FHOD3: variants seen among roughly 807,000 people sequenced by gnomAD.
FHOD3 encodes the protein formin homology 2 domain containing 3, also known as FH1/FH2 domain-containing protein 3.
Under a neutral mutation model 173.0 loss-of-function variants are expected in FHOD3, and 90 were observed. The ratio of observed to expected loss-of-function variants is 0.52; its 90% CI spans 0.44 to 0.62. The LOEUF (loss-of-function observed/expected upper bound fraction) is 0.62, where lower values mean the gene tolerates loss of function less well. Among genes scored for constraint, FHOD3 ranks in the 20% least tolerant of loss-of-function variants. The probability of loss-of-function intolerance (pLI) is 0.00; values close to 1 mark genes in which losing one functional copy is unlikely to be tolerated. For synonymous variants in FHOD3, 828 were observed against 823.0 expected, an observed-to-expected ratio of 1.01 and a Z score of -0.10; for missense variants, 1,945 against 2,034.7, an observed-to-expected ratio of 0.96 and a Z score of 0.85.
At chr18:36,451,364 A>G (rs923887339) in intron 3 of FHOD3, among the ~76,000 whole-genome samples, 1 of 152,252 alleles carries the variant, frequency 6.6e-6, no homozygotes, top group Admixed American at 6.5e-5. Flanking sequence ...TTACGAAGCC[A>G]GTACCAGTTA....
chr18:36,726,683 CT>C (rs1189391314), intron 19 of FHOD3, among the ~76,000 whole-genome samples: 2 of 150,998 alleles, frequency 1.3e-5, no homozygotes, highest in African/African-American at 2.4e-5. Context: ...TTTTTCTTTT[CT>C]TTTTTTTTGA....
At chr18:36,446,058 AC>A (rs1210081740) in intron 3 of FHOD3, among the ~76,000 whole-genome samples, 2 of 152,178 alleles carry the variant, frequency 1.3e-5, no homozygotes, top group Admixed American at 1.3e-4. Flanking sequence ...GGAGACAGGA[AC>A]TTGTTGCCAG....
intron 4 of FHOD3, among the ~76,000 whole-genome samples, chr18:36,508,509 T>C (rs2055432522): frequency 6.6e-6 from 1 of 152,128 alleles, no homozygotes; most frequent in Admixed American, 6.5e-5. Context: ...CAGAAGCAAG[T>C]TGAAGGGTCT....
chr18:36,708,726 G>C (rs1376230962), intron 17 of FHOD3, among the ~76,000 whole-genome samples: 1 of 152,166 alleles, frequency 6.6e-6, no homozygotes, highest in African/African-American at 2.4e-5. Context: ...TCAGCTTCTA[G>C]AGGCCACCTG....
At chr18:36,459,874 C>T (rs1257318139) in intron 3 of FHOD3, among the ~76,000 whole-genome samples, 1 of 152,048 alleles carries the variant, frequency 6.6e-6, no homozygotes, top group African/African-American at 2.4e-5. Context: ...TGCCCTTTTC[C>T]TCTTCCAGGA....
intron 6 of FHOD3, among the ~76,000 whole-genome samples, chr18:36,594,301 A>G (rs1440815060): frequency 6.6e-6 from 1 of 151,870 alleles, no homozygotes; most frequent in Non-Finnish European, 1.5e-5. Context: ...GGCTTTAAGA[A>G]TGGGGTACTT....
At chr18:36,618,310 G>GTT (rs1465774220) in intron 9 of FHOD3, among the ~76,000 whole-genome samples, 8,644 of 82,742 alleles carry the variant, frequency 0.1, 426 homozygotes, top group Non-Finnish European at 0.13. Flanking sequence ...GTTTTTTGGT[G>GTT]GTTTTTTTTT....
intron 18 of FHOD3, among the ~76,000 whole-genome samples, chr18:36,716,384 G>A (rs9957624): frequency 0.02 from 3,067 of 152,312 alleles, 95 homozygotes; most frequent in African/African-American, 0.069. Context: ...GAAGGAGTCA[G>A]GAATGACTCT....
Position 36,718,187 on chromosome 18 carries a change from G to A in FHOD3, c.2889G>A (p.Lys963=). Residue 963 remains lysine, a synonymous_variant, in exon 19 of 29, where the codon AAG becomes AAA. Coordinates refer to ENST00000590592, the MANE Select transcript of FHOD3 (RefSeq NM_001281740.3). Reference sequence around the variant, plus strand: ...CCCCTGATGCTGAGCCCAATGACAAGGTCCCAGAAACAGCGCCGGTGCAGC... The same window carrying A: ...CCCCTGATGCTGAGCCCAATGACAAAGTCCCAGAAACAGCGCCGGTGCAGC... ...SISPDAEPND[K]VPETAPVQPK... is the part of the protein sequence containing the mutation. 1 of 1,613,498 alleles carries A rather than the reference G, an allele frequency of 6.2e-7. No individual in the cohort carries two copies. The highest frequency in any genetic ancestry group is 8.5e-7 in the Non-Finnish European group (1 of 1,179,704).
chr18:36,323,431 C>T (rs1396875713), intron 1 of FHOD3, among the ~76,000 whole-genome samples: 2 of 152,188 alleles, frequency 1.3e-5, no homozygotes, highest in Middle Eastern at 3.2e-3. Context: ...ATGCTGTGGC[C>T]TTTGCTAGTT....
chr18:36,474,226 GA>G (rs1037310424), intron 3 of FHOD3, among the ~76,000 whole-genome samples: 7 of 152,166 alleles, frequency 4.6e-5, no homozygotes, highest in African/African-American at 1.7e-4. Context: ...GACTCCAAAA[GA>G]TTTTCCTGTC....
chr18:36,756,563 ATG>A (rs1215885028), intron 25 of FHOD3, among the ~76,000 whole-genome samples: 2 of 152,158 alleles, frequency 1.3e-5, no homozygotes, highest in Admixed American at 1.3e-4. Context: ...GTGCACAGAC[ATG>A]TGTGTATGTA....
At chr18:36,359,247 G>C (rs949052947) in intron 2 of FHOD3, among the ~76,000 whole-genome samples, 3 of 152,200 alleles carry the variant, frequency 2.0e-5, no homozygotes, top group Non-Finnish European at 4.4e-5. Flanking sequence ...TTCCTTGCTG[G>C]AGGATTTTGC....
At chr18:36,318,166 C>T (rs538401559) in intron 1 of FHOD3, among the ~76,000 whole-genome samples, 1 of 152,298 alleles carries the variant, frequency 6.6e-6, no homozygotes, top group African/African-American at 2.4e-5. Context: ...GTGATGCCTC[C>T]AGCTTTGTTC....
intron 1 of FHOD3, among the ~76,000 whole-genome samples, chr18:36,303,770 G>C (rs559093200): frequency 2.0e-5 from 3 of 152,184 alleles, no homozygotes; most frequent in African/African-American, 7.2e-5. Flanking sequence ...GCCTGTGGCT[G>C]GCTTAGAGGC....
In FHOD3 at chr18:36,709,198, C is replaced by T. The variant is rs756383713; in HGVS notation, c.2340C>T (p.His780=). The T allele has an allele frequency of 3.7e-6, 6 of 1,613,936 alleles. No homozygotes were observed. The highest frequency in any genetic ancestry group is 1.6e-4 in the Middle Eastern group (1 of 6,084). ...CTGGCCAGGACATAGCCTCTGCCCA[C>T]GAGGGTGCAGAGACTGAAGTGGAGC... is the stretch of plus-strand genomic sequence containing the variant. ...DEAGQDIASA[H]EGAETEVEQA... Residue 780 remains histidine (H), a synonymous_variant, in exon 18 of 29, where the codon CAC becomes CAT. Transcript: ENST00000590592.
At chr18:36,309,127 G>T (rs571549869) in intron 1 of FHOD3, among the ~76,000 whole-genome samples, 133 of 152,302 alleles carry the variant, frequency 8.7e-4, no homozygotes, top group African/African-American at 2.7e-3. Flanking sequence ...GGGTATTGGG[G>T]TCTTCTCTTA....
At chr18:36,693,048 C>T (rs1438101447) in intron 16 of FHOD3, 161 bp from the exon 17 acceptor site, 4 of 669,518 alleles carry the variant, frequency 6.0e-6, no homozygotes, top group Non-Finnish European at 1.0e-5. Flanking sequence ...AGCATCTTGG[C>T]TTTGCTGGGT....
intron 3 of FHOD3, among the ~76,000 whole-genome samples, chr18:36,425,425 G>A (rs1404484692): frequency 1.3e-5 from 2 of 152,180 alleles, no homozygotes; most frequent in African/African-American, 2.4e-5. Context: ...AATGTGGAAT[G>A]TAGGTCACCC....
Sources: gnomAD v4.1 joint callset for allele counts (sites outside exome capture counted in the v4.1 genomes callset) on GRCh38, gnomAD v4.1.1 for gene constraint, MANE v1.5 for transcripts, NCBI Gene and HGNC (gene_info 2026-07-23, HGNC 2026-07-21) for gene names.